The following F13A1 variants were observed in gnomAD, a reference collection of about 807,000 sequenced individuals.
F13A1 encodes FSF, A subunit.
In F13A1, 47 loss-of-function variants were observed where a neutral mutation model predicts 80.1. The observed-to-expected ratio is 0.59, with a 90% confidence interval of 0.46 to 0.75. The LOEUF (loss-of-function observed/expected upper bound fraction) is 0.75, where lower values mean the gene tolerates loss of function less well. Ranked by LOEUF, F13A1 falls within the 30% of genes least tolerant of loss-of-function variation. F13A1 has a pLI of 0.00. For synonymous variants in F13A1, 349 were observed against 344.9 expected, an observed-to-expected ratio of 1.01 and a Z score of -0.13; for missense variants, 817 against 930.4, an observed-to-expected ratio of 0.88 and a Z score of 1.59.
chr6:6,279,897 A>G (rs1168920508), intron 3 of F13A1, among the ~76,000 whole-genome samples: 2 of 152,252 alleles, frequency 1.3e-5, no homozygotes, highest in Non-Finnish European at 2.9e-5. Context: ...ATTTTTGCTA[A>G]AACAGTCAAT....
Position 6,145,478 on chromosome 6 carries a change from G to A in F13A1, c.*141C>T. On this transcript the variant is annotated 3_prime_UTR_variant, in exon 15 of 15. Coordinates refer to ENST00000264870, the MANE Select transcript of F13A1 (RefSeq NM_000129.4). ...GAAAAGCATGTTTTTGAAATATGTG[G>A]GATCTCCACTCTGGAGCCCTCTGCA... 8 of 1,022,766 alleles carry A rather than the reference G, an allele frequency of 7.8e-6. 1 individual carries two copies. The highest frequency in any genetic ancestry group is 1.2e-5 in the Non-Finnish European group (8 of 661,070). The allele number at this position is 1,022,766 out of a possible 1,614,324, so 63.4% of individuals were successfully genotyped here. A position where few individuals can be genotyped will look rare whatever the true frequency, so the allele number is the denominator to read the frequency against.
At chr6:6,209,411 G>T (rs566890127) in intron 8 of F13A1, among the ~76,000 whole-genome samples, 1 of 151,790 alleles carries the variant, frequency 6.6e-6, no homozygotes, top group Non-Finnish European at 1.5e-5. Flanking sequence ...ATACAGAATG[G>T]AGTAGCTGCT....
At chr6:6,152,006 T>C (rs1760389091) in intron 13 of F13A1, 57 bp from the exon 14 acceptor site, 2 of 1,603,720 alleles carry the variant, frequency 1.2e-6, no homozygotes, top group Non-Finnish European at 1.7e-6. Context: ...TGCTCTCTTG[T>C]TGTCTTAACC....
At chr6:6,194,285 C>T (rs946207594) in intron 10 of F13A1, among the ~76,000 whole-genome samples, 1 of 152,184 alleles carries the variant, frequency 6.6e-6, no homozygotes. Flanking sequence ...CTCTGCACTG[C>T]GTTCCTTCAG....
intron 10 of F13A1, 92 bp downstream of exon 10, chr6:6,195,705 G>A (rs1314238052): frequency 8.4e-7 from 1 of 1,183,972 alleles, no homozygotes; most frequent in Non-Finnish European, 1.2e-6. Flanking sequence ...CTATGTACCT[G>A]GAAAACTTAG....
intron 8 of F13A1, among the ~76,000 whole-genome samples, chr6:6,211,863 C>T (rs978193127): frequency 4.6e-5 from 7 of 152,206 alleles, no homozygotes; most frequent in South Asian, 4.1e-4. Context: ...TTGCCTCACT[C>T]GGGAAGCGCA....
At chr6:6,177,549 G>C (rs1413827324) in intron 11 of F13A1, among the ~76,000 whole-genome samples, 5 of 152,218 alleles carry the variant, frequency 3.3e-5, no homozygotes, top group Non-Finnish European at 5.9e-5. Flanking sequence ...CTTTCAGCCA[G>C]AGACAAAACT....
chr6:6,283,791 C>A (rs895942477), intron 3 of F13A1, among the ~76,000 whole-genome samples: 2 of 152,184 alleles, frequency 1.3e-5, no homozygotes, highest in African/African-American at 2.4e-5. Context: ...GGATACCCTC[C>A]TGGTTGCCCT....
At chr6:6,202,507 T>C (rs1225214477) in intron 8 of F13A1, among the ~76,000 whole-genome samples, 2 of 152,230 alleles carry the variant, frequency 1.3e-5, no homozygotes, top group East Asian at 3.8e-4. Flanking sequence ...AAACCTTTGC[T>C]TGTTTGTTTC....
At chr6:6,295,409 G>A (rs1467845352) in intron 3 of F13A1, among the ~76,000 whole-genome samples, 2 of 147,822 alleles carry the variant, frequency 1.4e-5, no homozygotes, top group Non-Finnish European at 3.0e-5. Flanking sequence ...AGCACCTGTT[G>A]TTTCCTGACT....
chr6:6,209,440 C>A (rs1761561366), intron 8 of F13A1, among the ~76,000 whole-genome samples: 1 of 152,036 alleles, frequency 6.6e-6, no homozygotes, highest in Non-Finnish European at 1.5e-5. Flanking sequence ...CAGTTTGGCA[C>A]TTCATCAAAA....
chr6:6,242,614 A>C (rs1757497824), intron 6 of F13A1, among the ~76,000 whole-genome samples: 1 of 152,192 alleles, frequency 6.6e-6, no homozygotes. Flanking sequence ...TGGATCAAGT[A>C]ACTGTAAATG....
At chr6:6,320,253 C>A (rs1041419223) in intron 1 of F13A1, among the ~76,000 whole-genome samples, 3 of 152,220 alleles carry the variant, frequency 2.0e-5, no homozygotes, top group Non-Finnish European at 2.9e-5. Context: ...CTCCCTCCAC[C>A]TTTTGTGTTC....
chr6:6,266,785 C>T lies in F13A1; in HGVS notation c.344G>A (p.Gly115Glu), dbSNP rs1447248884. Residue 115 changes from glycine (G) to glutamate (E), a missense_variant, in exon 4 of 15, where the codon GGA becomes GAA. Physicochemically the swap from Gly to Glu is moderately conservative, Grantham distance 98. Transcript: ENST00000264870. ...VIGRYPQENKGTYIPVPIVSE... is the reference protein window; with the variant it reads ...VIGRYPQENKETYIPVPIVSE... ...GACTATAGGCACTGGGATGTAGGTT[C>T]CCTTGTTCTCCTGTGGGTAGCGACC... 4 of 1,614,126 alleles carry T rather than the reference C, an allele frequency of 2.5e-6. No individual in the cohort carries two copies. The East Asian group carries it at 6.7e-5, about 27-fold the overall frequency.
intron 11 of F13A1, among the ~76,000 whole-genome samples, chr6:6,176,881 A>T (rs1760890844): frequency 6.6e-6 from 1 of 152,176 alleles, no homozygotes; most frequent in African/African-American, 2.4e-5. Context: ...AGCCAGCCAC[A>T]AGCAACTTCA....
chr6:6,315,359 T>G (rs1240783918), intron 2 of F13A1, among the ~76,000 whole-genome samples: 1 of 152,218 alleles, frequency 6.6e-6, no homozygotes, highest in Non-Finnish European at 1.5e-5. Flanking sequence ...TAAAGATGCC[T>G]AAAATCATGC....
intron 3 of F13A1, among the ~76,000 whole-genome samples, chr6:6,292,324 C>A (rs188142695): frequency 2.0e-5 from 3 of 152,312 alleles, no homozygotes; most frequent in Admixed American, 1.3e-4. Flanking sequence ...ATCATAGTCA[C>A]ATAAGCCAGC....
intron 13 of F13A1, among the ~76,000 whole-genome samples, chr6:6,159,362 C>G (rs995512501): frequency 1.3e-5 from 2 of 152,080 alleles, no homozygotes; most frequent in Non-Finnish European, 2.9e-5. Flanking sequence ...CTACTGTTAA[C>G]CTCGGTAAAA....
intron 6 of F13A1, among the ~76,000 whole-genome samples, chr6:6,232,238 A>T (rs1757363019): frequency 6.6e-6 from 1 of 152,196 alleles, no homozygotes. Context: ...ACATAAACTT[A>T]AAGTAAAGGT....
Sources: allele counts gnomAD v4.1 joint callset (sites outside exome capture counted in the v4.1 genomes callset), GRCh38; gene constraint gnomAD v4.1.1; transcripts MANE v1.5; gene names NCBI Gene and HGNC (gene_info 2026-07-23, HGNC 2026-07-21).